The following GYS1 variants were observed in gnomAD, a reference collection of about 807,000 sequenced individuals.
The protein encoded by GYS1 is glycogen synthase 1.
A neutral mutation model predicts 89.1 loss-of-function variants in GYS1; 60 were observed. The observed-to-expected ratio is 0.67, with a 90% CI of 0.55 to 0.84. The LOEUF (loss-of-function observed/expected upper bound fraction) is 0.84. GYS1 is among the 40% of genes least tolerant of loss of function. The probability of loss-of-function intolerance (pLI) is 0.00; values close to 1 mark genes in which losing one functional copy is unlikely to be tolerated. For synonymous variants in GYS1, 366 were observed against 401.7 expected (o/e 0.91, Z 1.06); for missense variants, 888 against 1,003.1 (o/e 0.89, Z 1.55).
chr19:48,975,574 C>G (rs1011041321), intron 10 of GYS1, among the ~76,000 whole-genome samples: 2 of 152,066 alleles, frequency 1.3e-5, no homozygotes, highest in Non-Finnish European at 2.9e-5. Flanking sequence ...GGGGTGGAGA[C>G]TGTGCCAATA....
Position 48,987,374 on chromosome 19 carries a change from C to A in GYS1, c.312G>T (p.Gly104=). The A allele has an allele frequency of 6.2e-7, 1 of 1,602,800 alleles. No individual in the cohort carries two copies. The highest frequency in any genetic ancestry group is 1.1e-5 in the South Asian group (1 of 89,374). ...MNSKGCKVYF[G]RWLIEGGPLV... ...GAGGGCCTCCCTCGATCAGCCAGCG[C>A]CCGAAATACACCTGGGATGGGGTTG... is the stretch of plus-strand genomic sequence containing the variant. Residue 104 remains glycine, a synonymous_variant, in exon 3 of 16, where the codon GGG becomes GGT. Coordinates refer to ENST00000323798, the MANE Select transcript of GYS1 (RefSeq NM_002103.5).
intron 2 of GYS1, among the ~76,000 whole-genome samples, chr19:48,989,923 G>C (rs895275054): frequency 6.8e-6 from 1 of 146,880 alleles, no homozygotes; most frequent in African/African-American, 2.5e-5. Context: ...CCCGCTCCTC[G>C]CCGACCTGGC....
chr19:48,974,416 G>C, intron 11 of GYS1, 77 bp from the exon 12 acceptor site: 1 of 1,511,420 alleles, frequency 6.6e-7, no homozygotes, highest in Non-Finnish European at 9.2e-7. Context: ...GCCCAGAGAG[G>C]GTAAAAAGCT....
In GYS1 at chr19:48,991,848, G is replaced by A. The variant is rs1040550685; in HGVS notation, c.119-365C>T. ...TGGCAGAGCTGAGGACTGACTACCC[G>A]GACTCAGGTTCCCGAGTTCCCAGCT... On this transcript the variant is annotated intron_variant, in intron 1 of 15. Transcript: ENST00000323798. This position sits in a 1 kb window ranked among gnomAD's most constrained non-coding sequence, Gnocchi z 4.7. Among the ~76,000 whole-genome samples, 1 of 151,994 alleles carries A rather than the reference G, an allele frequency of 6.6e-6. No individual in the cohort carries two copies. The highest frequency in any genetic ancestry group is 2.4e-5 in the African/African-American group (1 of 41,346).
At chr19:48,987,445 C>T in intron 2 of GYS1, 60 bp from the exon 3 acceptor site, 1 of 1,344,938 alleles carries the variant, frequency 7.4e-7, no homozygotes. Flanking sequence ...CATATCTTCA[C>T]TCATCCGTGG....
chr19:48,985,978 C>A lies in GYS1; in HGVS notation c.550G>T (p.Ala184Ser). 6.2e-7 allele frequency: 1 copy of A among 1,614,196 alleles called. No individual in the cohort carries two copies. The highest frequency in any genetic ancestry group is 1.1e-5 in the South Asian group (1 of 91,080). Residue 184 changes from alanine (A) to serine (S), a missense_variant, in exon 4 of 16, where the codon GCA becomes TCA. Physicochemically the swap from Ala to Ser is moderately conservative, Grantham distance 99 (BLOSUM62 1). Coordinates refer to ENST00000323798, the MANE Select transcript of GYS1 (RefSeq NM_002103.5). ...HVVAHFHEWL[A>S]GVGLCLCRAR... ...CGACACAGGCAGAGTCCAACGCCTG[C>A]CAACCACTCATGGAAGTGAGCAACC...
intron 2 of GYS1, among the ~76,000 whole-genome samples, chr19:48,987,985 G>A (rs775057829): frequency 6.6e-5 from 10 of 152,094 alleles, no homozygotes; most frequent in Non-Finnish European, 8.8e-5. Context: ...TGTATTTTCA[G>A]TAGAGACGAG....
intron 10 of GYS1, among the ~76,000 whole-genome samples, chr19:48,975,178 G>A (rs2038626351): frequency 6.6e-6 from 1 of 151,550 alleles, no homozygotes; most frequent in South Asian, 2.1e-4. Flanking sequence ...TGATCCACCT[G>A]CCTTGGCCTC....
At chr19:48,981,432 C>CA (rs1183464140) in intron 8 of GYS1, 98 bp downstream of exon 8, 3 of 767,494 alleles carry the variant, frequency 3.9e-6, no homozygotes, top group African/African-American at 1.8e-5. Context: ...AACAAACAAA[C>CA]AAACAAAACA....
chr19:48,990,642 T>C (rs111728227), intron 2 of GYS1, among the ~76,000 whole-genome samples: 145 of 152,292 alleles, frequency 9.5e-4, no homozygotes, highest in South Asian at 2.5e-3. Context: ...ATTAACTGTT[T>C]CCTCCTCCCA....
At chr19:48,973,505 AT>A (rs34032782) in intron 12 of GYS1, among the ~76,000 whole-genome samples, 3,193 of 120,548 alleles carry the variant, frequency 0.026, 33 homozygotes, top group East Asian at 0.089. Context: ...TTTAGCTTTA[AT>A]TTTTTTTTTT....
At chr19:48,970,390 G>C (rs768142316) in intron 14 of GYS1, 156 bp downstream of exon 14, 3 of 685,942 alleles carry the variant, frequency 4.4e-6, no homozygotes, top group African/African-American at 1.8e-5. Flanking sequence ...AAAGTGCTGG[G>C]ATTACAACCA....
chr19:48,971,555 C>CTTTTTTTT (rs201952082), intron 12 of GYS1, among the ~76,000 whole-genome samples: 1 of 144,676 alleles, frequency 6.9e-6, no homozygotes. Flanking sequence ...GATTTTTATG[C>CTTTTTTTT]TTTTTTTTTT....
chr19:48,981,409 TCAAAAA>T (rs1164824480), intron 8 of GYS1, 115 bp downstream of exon 8: 7 of 719,278 alleles, frequency 9.7e-6, no homozygotes, highest in Non-Finnish European at 1.8e-5. Context: ...TGAGACTGTC[TCAAAAA>T]CAAACAAACA....
At chr19:48,970,200 C>T (rs558462677) in intron 14 of GYS1, 11 of 462,802 alleles carry the variant, frequency 2.4e-5, no homozygotes, top group East Asian at 1.3e-4. Context: ...ACAAGGCTCA[C>T]TGCAGCCTCA....
chr19:48,987,179 TCAGA>T lies in GYS1; in HGVS notation c.492+11_492+14del, dbSNP rs1389042425. ...TAGTTTCAGGTATGGGTGGAATGTG[TCAGA>T]CGGGGCCTACCTCACCCAGGAACCA... On this transcript the variant is annotated intron_variant, in intron 3 of 15. Transcript: ENST00000323798. The T allele has an allele frequency of 6.3e-7, 1 of 1,588,514 alleles. No individual in the cohort carries two copies.
chr19:48,976,769 T>TCG (rs2038660062), intron 10 of GYS1, among the ~76,000 whole-genome samples: 1 of 151,974 alleles, frequency 6.6e-6, no homozygotes, highest in Admixed American at 6.6e-5. Flanking sequence ...TTTCCTTCTT[T>TCG]CGTGTGTGTG....
Position 48,978,090 on chromosome 19 carries a change from G to T in GYS1, c.1229+8C>A. 4 of 1,612,438 alleles carry T rather than the reference G, an allele frequency of 2.5e-6. No individual in the cohort carries two copies. Among genetic ancestry groups the T allele is most frequent in the Non-Finnish European group, 3.4e-6 (4 of 1,178,480 alleles). ...AGGAGGGCACAGGGCTGAGGGTGGG[G>T]CACTCACACCAGTAAGGATTCATAA... On this transcript the variant is annotated splice_region_variant and intron_variant, in intron 9 of 15. Coordinates refer to ENST00000323798, the MANE Select transcript of GYS1 (RefSeq NM_002103.5).
At chr19:48,973,179 G>A (rs962826130) in intron 12 of GYS1, among the ~76,000 whole-genome samples, 9 of 152,130 alleles carry the variant, frequency 5.9e-5, no homozygotes, top group East Asian at 1.9e-4. Flanking sequence ...CGTTTTTCCT[G>A]CACCCTCACA....
Sources: allele counts gnomAD v4.1 joint callset (sites outside exome capture counted in the v4.1 genomes callset), GRCh38; gene constraint gnomAD v4.1.1; non-coding constraint Gnocchi (gnomAD v3.1); transcripts MANE v1.5; gene names NCBI Gene and HGNC (gene_info 2026-07-23, HGNC 2026-07-21).